The following CDYL variants were observed in gnomAD, a reference collection of about 807,000 sequenced individuals.
CDYL encodes chromodomain Y like, also known as chromodomain Y-like protein.
In CDYL, 8 loss-of-function variants were observed where a neutral mutation model predicts 47.3. The ratio of observed to expected loss-of-function variants is 0.17; its 90% CI spans 0.10 to 0.31. The LOEUF (loss-of-function observed/expected upper bound fraction) is 0.31, where lower values mean the gene tolerates loss of function less well. CDYL is among the 10% of genes least tolerant of loss of function. The pLI, the probability that CDYL is intolerant of heterozygous loss-of-function variation, is 1.00. For synonymous variants in CDYL, 266 were observed against 265.0 expected, an observed-to-expected ratio of 1.00 and a Z score of -0.04; for missense variants, 471 against 701.4, an observed-to-expected ratio of 0.67 and a Z score of 3.71.
intron 1 of CDYL, among the ~76,000 whole-genome samples, chr6:4,795,395 A>G (rs1175683324): frequency 6.6e-6 from 1 of 152,206 alleles, no homozygotes; most frequent in East Asian, 1.9e-4. Context: ...TGAAAGAGAA[A>G]GACACAACTG....
At chr6:4,869,262 A>G (rs1416441757) in intron 1 of CDYL, among the ~76,000 whole-genome samples, 1 of 151,792 alleles carries the variant, frequency 6.6e-6, no homozygotes, top group African/African-American at 2.4e-5. Context: ...TGCCCAGCTA[A>G]TTTTTGTGTT....
At chr6:4,867,470 C>T (rs1761353479) in intron 1 of CDYL, among the ~76,000 whole-genome samples, 3 of 152,028 alleles carry the variant, frequency 2.0e-5, no homozygotes, top group Admixed American at 2.0e-4. Context: ...TATAGATTTC[C>T]TTATCAAGTT....
intron 1 of CDYL, among the ~76,000 whole-genome samples, chr6:4,889,601 G>A (rs1176513715): frequency 6.6e-6 from 1 of 152,158 alleles, no homozygotes; most frequent in African/African-American, 2.4e-5. Flanking sequence ...TCAAATTTTA[G>A]TGTCCATAGA....
chr6:4,770,335 AGCTT>A (rs1758320272), intron 3 of CDYL, among the ~76,000 whole-genome samples: 1 of 152,200 alleles, frequency 6.6e-6, no homozygotes, highest in Non-Finnish European at 1.5e-5. Context: ...GATGAAGTTT[AGCTT>A]CCCCACTTAC....
At chr6:4,951,973 A>G (rs928558614) in intron 5 of CDYL, among the ~76,000 whole-genome samples, 1 of 152,118 alleles carries the variant, frequency 6.6e-6, no homozygotes. Context: ...GACCTTTTCT[A>G]TTTTAGATTT....
chr6:4,892,558 G>T, intron 2 of CDYL, among the ~76,000 whole-genome samples, 179 bp downstream of exon 2: 1 of 152,226 alleles, frequency 6.6e-6, no homozygotes, highest in South Asian at 2.1e-4. Context: ...CTCTTAATTC[G>T]GCAACTAGTT....
intron 2 of CDYL, among the ~76,000 whole-genome samples, chr6:4,913,483 A>G (rs2127501722): frequency 6.6e-6 from 1 of 152,326 alleles, no homozygotes; most frequent in South Asian, 2.1e-4. Context: ...CTGTTTGAAA[A>G]GTGATTATAG....
chr6:4,762,645 C>CAAAAAAAAAAAAAAAAA (rs1173404314), intron 3 of CDYL, among the ~76,000 whole-genome samples: 1 of 39,622 alleles, frequency 2.5e-5, no homozygotes, highest in Non-Finnish European at 5.4e-5. Flanking sequence ...TAAAGGGTAC[C>CAAAAAAAAAAAAAAAAA]AAAAAAAAAA....
intron 5 of CDYL, among the ~76,000 whole-genome samples, chr6:4,946,412 A>C (rs1374859532): frequency 2.6e-5 from 4 of 151,934 alleles, no homozygotes; most frequent in Non-Finnish European, 5.9e-5. Flanking sequence ...TCCTCACCAC[A>C]TTCTCTTTGA....
intron 1 of CDYL, among the ~76,000 whole-genome samples, chr6:4,841,209 G>A (rs1474116190): frequency 2.0e-5 from 3 of 152,062 alleles, no homozygotes; most frequent in Non-Finnish European, 4.4e-5. Flanking sequence ...AAAGGTGTTC[G>A]TAGTTGGCTT....
At position 4,942,467 on chromosome 6, in the gene CDYL, G is replaced by A. The variant is rs73352339; in HGVS notation, c.1122-1079G>A. On this transcript the variant is annotated intron_variant, in intron 4 of 6. Coordinates refer to ENST00000397588, the MANE Select transcript of CDYL (RefSeq NM_004824.4). Reference sequence around the variant, plus strand: ...CTGAATTGTAGAGAGCATCTAGATTGTTATTTTCAGTATTAAAGATGGGGG... The same window carrying A: ...CTGAATTGTAGAGAGCATCTAGATTATTATTTTCAGTATTAAAGATGGGGG... 2.3e-3 allele frequency among the ~76,000 whole-genome samples: 345 copies of A among 152,262 alleles called. 1 individual carries two copies. The highest frequency in any genetic ancestry group is 8.0e-3 in the African/African-American group (334 of 41,552).
intron 1 of CDYL, among the ~76,000 whole-genome samples, chr6:4,829,486 G>T (rs999831017): frequency 6.6e-6 from 1 of 152,208 alleles, no homozygotes; most frequent in African/African-American, 2.4e-5. Flanking sequence ...CAGGTGATCA[G>T]TCTGAGGTGA....
At chr6:4,774,923 C>G (rs371913064), upstream of CDYL, among the ~76,000 whole-genome samples, 25 of 152,144 alleles carry the variant, frequency 1.6e-4, no homozygotes, top group South Asian at 6.2e-4. Context: ...GTAGAAGCAC[C>G]GCTTAAGGGG....
chr6:4,897,342 G>A (rs1891045), intron 2 of CDYL, among the ~76,000 whole-genome samples: 113,634 of 152,190 alleles, frequency 0.75, 45,841 homozygotes, highest in Middle Eastern at 0.9. Context: ...AAATGACTGA[G>A]GAAATATTAA....
intron 1 of CDYL, among the ~76,000 whole-genome samples, chr6:4,792,517 C>T (rs975901391): frequency 6.6e-6 from 1 of 151,684 alleles, no homozygotes; most frequent in African/African-American, 2.4e-5. Context: ...CGGTAACCTC[C>T]ACCTCCCTGT....
chr6:4,820,215 G>T (rs1219148444), intron 1 of CDYL, among the ~76,000 whole-genome samples: 1 of 152,184 alleles, frequency 6.6e-6, no homozygotes, highest in Non-Finnish European at 1.5e-5. Context: ...ATTTTAAAGT[G>T]TGGTTTTTCA....
chr6:4,879,114 C>CA (rs1446906673), intron 1 of CDYL, among the ~76,000 whole-genome samples: 1 of 151,978 alleles, frequency 6.6e-6, no homozygotes, highest in Non-Finnish European at 1.5e-5. Context: ...TATGGCTTAC[C>CA]AAGTGGTCTA....
intron 2 of CDYL, among the ~76,000 whole-genome samples, chr6:4,722,342 T>C (rs1412228112): frequency 6.6e-6 from 1 of 151,792 alleles, no homozygotes; most frequent in Non-Finnish European, 1.5e-5. Flanking sequence ...GAGGATGGCT[T>C]AAGGTAAAGA....
chr6:4,836,337 G>A, intron 1 of CDYL: 1 of 847,988 alleles, frequency 1.2e-6, no homozygotes, highest in Non-Finnish European at 1.4e-6. Context: ...TTTTATACGT[G>A]TGCTTTCAGA....
Sources: gnomAD v4.1 joint callset for allele counts (sites outside exome capture counted in the v4.1 genomes callset) on GRCh38, gnomAD v4.1.1 for gene constraint, MANE v1.5 for transcripts, NCBI Gene and HGNC (gene_info 2026-07-23, HGNC 2026-07-21) for gene names.